Variants in PRKAG2 observed in about 807,000 individuals in gnomAD.
The protein encoded by PRKAG2 is protein kinase AMP-activated non-catalytic subunit gamma 2.
PRKAG2 carries 26 observed loss-of-function variants against 69.6 expected under a neutral mutation model. That is an observed-to-expected ratio of 0.37 (90% CI 0.27 to 0.52). PRKAG2 has a LOEUF of 0.52. Among genes scored for constraint, PRKAG2 ranks in the 20% least tolerant of loss-of-function variants. The probability of loss-of-function intolerance (pLI) is 0.90; values close to 1 mark genes in which losing one functional copy is unlikely to be tolerated. For missense variants in PRKAG2, 557 were observed against 740.0 expected (o/e 0.75, Z 2.87); for synonymous variants, 293 against 285.0 (o/e 1.03, Z -0.28).
chr7:151,730,208 G>A (rs755853788), intron 3 of PRKAG2, among the ~76,000 whole-genome samples: 5 of 152,184 alleles, frequency 3.3e-5, no homozygotes, highest in Admixed American at 1.3e-4. Flanking sequence ...TCACCAGGCC[G>A]TGTGGCCCCG....
intron 6 of PRKAG2, among the ~76,000 whole-genome samples, chr7:151,589,419 T>G (rs1432604111): frequency 6.6e-6 from 1 of 152,212 alleles, no homozygotes; most frequent in East Asian, 1.9e-4. Context: ...CGTTTTGGAT[T>G]CGGGTCTCAG....
At chr7:151,677,875 C>T (rs1293898878) in intron 3 of PRKAG2, among the ~76,000 whole-genome samples, 2 of 152,250 alleles carry the variant, frequency 1.3e-5, no homozygotes, top group Non-Finnish European at 2.9e-5. Context: ...TCGGAGTCTA[C>T]TCTGGCTCAG....
At chr7:151,653,969 G>A (rs560443989) in intron 4 of PRKAG2, among the ~76,000 whole-genome samples, 1 of 152,198 alleles carries the variant, frequency 6.6e-6, no homozygotes, top group African/African-American at 2.4e-5. Flanking sequence ...CCCTACTTAA[G>A]TTGATAAATA....
At chr7:151,628,753 C>A (rs1414378395) in intron 5 of PRKAG2, among the ~76,000 whole-genome samples, 1 of 151,970 alleles carries the variant, frequency 6.6e-6, no homozygotes, top group Admixed American at 6.6e-5. Context: ...TACACAAAAT[C>A]ATTTCCTCCC....
At chr7:151,680,418 G>A (rs1002945171) in intron 3 of PRKAG2, among the ~76,000 whole-genome samples, 14 of 152,094 alleles carry the variant, frequency 9.2e-5, no homozygotes, top group African/African-American at 3.4e-4. Context: ...AAGATGGAGC[G>A]GTAAGTGAAG....
chr7:151,662,901 C>A (rs1201337998), intron 4 of PRKAG2, among the ~76,000 whole-genome samples: 2 of 151,978 alleles, frequency 1.3e-5, no homozygotes, highest in Non-Finnish European at 2.9e-5. Flanking sequence ...TAAAAACAAA[C>A]AAATACATAA....
intron 1 of PRKAG2, among the ~76,000 whole-genome samples, chr7:151,857,869 C>T (rs757744896): frequency 4.6e-5 from 7 of 152,368 alleles, no homozygotes; most frequent in East Asian, 3.8e-4. Flanking sequence ...CAATCCCAAA[C>T]GGTGATTTCC....
At chr7:151,701,691 A>C (rs1837712907) in intron 3 of PRKAG2, among the ~76,000 whole-genome samples, 2 of 151,982 alleles carry the variant, frequency 1.3e-5, no homozygotes, top group Non-Finnish European at 2.9e-5. Context: ...AAAATACAAA[A>C]AATTAGCCGG....
intron 4 of PRKAG2, among the ~76,000 whole-genome samples, chr7:151,660,860 C>T (rs1830209564): frequency 6.6e-6 from 1 of 152,022 alleles, no homozygotes; most frequent in Non-Finnish European, 1.5e-5. Context: ...TATGTTTTTC[C>T]TTTTATAATC....
intron 8 of PRKAG2, among the ~76,000 whole-genome samples, chr7:151,573,339 T>G (rs1383325098): frequency 7.8e-5 from 5 of 64,102 alleles, no homozygotes; most frequent in Admixed American, 1.8e-4. Context: ...GTGGGTTTTT[T>G]TTTTTTTTTT....
intron 5 of PRKAG2, among the ~76,000 whole-genome samples, chr7:151,596,287 C>T (rs1281774613): frequency 6.6e-6 from 1 of 152,096 alleles, no homozygotes; most frequent in Non-Finnish European, 1.5e-5. Flanking sequence ...GATATAAACT[C>T]AACATAAAAA....
intron 4 of PRKAG2, among the ~76,000 whole-genome samples, chr7:151,646,021 G>T (rs1827500366): frequency 6.6e-6 from 1 of 152,126 alleles, no homozygotes; most frequent in South Asian, 2.1e-4. Context: ...CATATATGGG[G>T]ATCTATTTCT....
At chr7:151,566,818 T>C (rs1806363381) in intron 11 of PRKAG2, among the ~76,000 whole-genome samples, 1 of 152,102 alleles carries the variant, frequency 6.6e-6, no homozygotes, top group Non-Finnish European at 1.5e-5. Flanking sequence ...TCTTGAAGGG[T>C]AATGCTCCTT....
At chr7:151,855,471 G>GCC (rs2079737509) in intron 1 of PRKAG2, among the ~76,000 whole-genome samples, 2 of 8,142 alleles carry the variant, frequency 2.5e-4, no homozygotes, top group Non-Finnish European at 4.6e-4. Flanking sequence ...CACACACCAT[G>GCC]CTCCACACAC....
chr7:151,737,166 C>T (rs2073486715), intron 3 of PRKAG2, among the ~76,000 whole-genome samples: 1 of 152,040 alleles, frequency 6.6e-6, no homozygotes, highest in African/African-American at 2.4e-5. Context: ...ATTTCTGAAC[C>T]TCAGTTTCCC....
chr7:151,784,388 C>T (rs892626691), intron 2 of PRKAG2, among the ~76,000 whole-genome samples: 5 of 152,108 alleles, frequency 3.3e-5, no homozygotes, highest in Non-Finnish European at 7.4e-5. Context: ...GGAGCGGGGC[C>T]CCAGGAGAGC....
chr7:151,759,832 T>C (rs1021106328), intron 3 of PRKAG2, among the ~76,000 whole-genome samples: 2 of 152,232 alleles, frequency 1.3e-5, no homozygotes, highest in Admixed American at 1.3e-4. Context: ...ACCCAGACTT[T>C]TTCTACGAGT....
chr7:151,718,622 A>C (rs995830106), intron 3 of PRKAG2, among the ~76,000 whole-genome samples: 53 of 148,064 alleles, frequency 3.6e-4, no homozygotes, highest in African/African-American at 1.3e-3. Flanking sequence ...CAAAAAAAAA[A>C]AAAAAAACCC....
chr7:151,726,446 G>A (rs1228410262), intron 3 of PRKAG2, among the ~76,000 whole-genome samples: 1 of 151,696 alleles, frequency 6.6e-6, no homozygotes, highest in African/African-American at 2.4e-5. Context: ...CTATGGCTGC[G>A]TGCGTACCCT....
Sources: gnomAD v4.1 joint callset for allele counts (sites outside exome capture counted in the v4.1 genomes callset) on GRCh38, gnomAD v4.1.1 for gene constraint, MANE v1.5 for transcripts, NCBI Gene and HGNC (gene_info 2026-07-23, HGNC 2026-07-21) for gene names.